Variants in FGF14 observed in about 807,000 individuals in gnomAD.
FGF14 encodes fibroblast growth factor homologous factor 4.
In FGF14, 5 loss-of-function variants were observed where a neutral mutation model predicts 25.5. The ratio of observed to expected loss-of-function variants is 0.20; its 90% confidence interval spans 0.10 to 0.41. The LOEUF (loss-of-function observed/expected upper bound fraction) is 0.41. Among genes scored for constraint, FGF14 ranks in the 10% least tolerant of loss-of-function variants. The probability of loss-of-function intolerance (pLI) is 1.00; values close to 1 mark genes in which losing one functional copy is unlikely to be tolerated. For missense variants in FGF14, 222 were observed against 320.1 expected, an observed-to-expected ratio of 0.69 and a Z score of 2.34; for synonymous variants, 138 against 118.3, an observed-to-expected ratio of 1.17 and a Z score of -1.08.
At chr13:101,912,811 G>A (rs1398972007) in intron 1 of FGF14, among the ~76,000 whole-genome samples, 1 of 151,982 alleles carries the variant, frequency 6.6e-6, no homozygotes. Context: ...AGATCACTCT[G>A]GTTCAAGGAT....
chr13:101,735,107 G>C (rs1318302147), intron 3 of FGF14, among the ~76,000 whole-genome samples: 1 of 152,124 alleles, frequency 6.6e-6, no homozygotes, highest in Admixed American at 6.5e-5. Flanking sequence ...GTGGGGAGCA[G>C]AGCCAGGTTG....
chr13:102,157,511 G>C (rs1018294014), intron 1 of FGF14, among the ~76,000 whole-genome samples: 1 of 152,150 alleles, frequency 6.6e-6, no homozygotes, highest in African/African-American at 2.4e-5. Context: ...ATTAATTCAA[G>C]ATGTATTAAA....
At chr13:101,850,966 G>T (rs149851192) in intron 3 of FGF14, among the ~76,000 whole-genome samples, 1 of 151,862 alleles carries the variant, frequency 6.6e-6, no homozygotes, top group East Asian at 1.9e-4. Flanking sequence ...AATAAGATGC[G>T]CATTATGGAT....
intron 3 of FGF14, among the ~76,000 whole-genome samples, chr13:101,804,467 A>G (rs1566922574): frequency 6.6e-6 from 1 of 152,166 alleles, no homozygotes. Flanking sequence ...CCCCCACACA[A>G]GAAGGGAGTT....
chr13:101,745,814 T>C (rs1284723916), intron 3 of FGF14, among the ~76,000 whole-genome samples: 2 of 152,078 alleles, frequency 1.3e-5, no homozygotes, highest in East Asian at 1.9e-4. Flanking sequence ...GTGGGTTTCA[T>C]GGTGAGAACC....
intron 1 of FGF14, among the ~76,000 whole-genome samples, chr13:102,204,353 C>T (rs17589356): frequency 0.012 from 1,859 of 152,152 alleles, 20 homozygotes; most frequent in Non-Finnish European, 0.019. Flanking sequence ...ATCTAAGCTA[C>T]GATTTGGGCT....
rs528924318 is a variant in FGF14, at chr13:101,891,788, C to T, written c.194-16492G>A. Among the ~76,000 whole-genome samples, 45 of 152,092 alleles carry T rather than the reference C, an allele frequency of 3.0e-4. No individual in the cohort carries two copies. In the South Asian group the frequency reaches 8.7e-3, roughly 29 times the overall value. On this transcript the variant is annotated intron_variant, in intron 1 of 4. Transcript: ENST00000376143. ...CCAATCAGAAATTTAACAATGTTCA[C>T]ACAGTTAGAAAGTTGTAAATCTAGG...
chr13:102,125,693 T>C (rs764548445), intron 1 of FGF14, among the ~76,000 whole-genome samples: 6 of 152,178 alleles, frequency 3.9e-5, no homozygotes, highest in Non-Finnish European at 5.9e-5. Context: ...TGAAAAATTA[T>C]TGACTTTTTC....
At chr13:102,167,320 A>AG (rs2048057717) in intron 1 of FGF14, among the ~76,000 whole-genome samples, 1 of 143,934 alleles carries the variant, frequency 6.9e-6, no homozygotes, top group Non-Finnish European at 1.5e-5. Flanking sequence ...CTCAAAAAAA[A>AG]AAAAAAAAAA....
intron 1 of FGF14, among the ~76,000 whole-genome samples, chr13:101,973,415 T>C (rs2037732676): frequency 6.6e-6 from 1 of 152,200 alleles, no homozygotes; most frequent in African/African-American, 2.4e-5. Flanking sequence ...CTTTCCCTTT[T>C]ACACTGGATG....
intron 3 of FGF14, among the ~76,000 whole-genome samples, chr13:101,776,663 T>C (rs549361357): frequency 9.2e-5 from 14 of 152,304 alleles, no homozygotes; most frequent in African/African-American, 3.4e-4. Context: ...GCACATCTCA[T>C]TGCTGAGATC....
At chr13:101,866,113 AC>A (rs1235499900) in intron 3 of FGF14, among the ~76,000 whole-genome samples, 1 of 152,018 alleles carries the variant, frequency 6.6e-6, no homozygotes, top group African/African-American at 2.4e-5. Flanking sequence ...ATAATATCAA[AC>A]TTTTTCTTGA....
At chr13:102,210,464 C>T (rs918559405) in intron 1 of FGF14, among the ~76,000 whole-genome samples, 2 of 152,034 alleles carry the variant, frequency 1.3e-5, no homozygotes, top group African/African-American at 4.8e-5. Flanking sequence ...TAATTTGGGA[C>T]TGTAGTATTT....
intron 1 of FGF14, among the ~76,000 whole-genome samples, chr13:101,983,808 GT>G (rs2038406344): frequency 6.6e-6 from 1 of 152,150 alleles, no homozygotes; most frequent in Non-Finnish European, 1.5e-5. Context: ...AAGGCCTTGG[GT>G]CTGGATAAAA....
intron 1 of FGF14, among the ~76,000 whole-genome samples, chr13:101,968,587 G>A (rs2037374467): frequency 6.7e-6 from 1 of 149,322 alleles, no homozygotes; most frequent in African/African-American, 2.4e-5. Context: ...GCAGGAGAAT[G>A]GCGTGAACCT....
At chr13:101,819,587 G>A (rs1188491363) in intron 3 of FGF14, among the ~76,000 whole-genome samples, 1 of 152,148 alleles carries the variant, frequency 6.6e-6, no homozygotes, top group Non-Finnish European at 1.5e-5. Flanking sequence ...TAAAATTTGA[G>A]GATGTGAAAT....
At chr13:101,782,983 C>T (rs952544194) in intron 3 of FGF14, among the ~76,000 whole-genome samples, 10 of 152,166 alleles carry the variant, frequency 6.6e-5, no homozygotes, top group Non-Finnish European at 7.3e-5. Flanking sequence ...AACTAATTTA[C>T]ACTCCCACCA....
intron 1 of FGF14, among the ~76,000 whole-genome samples, chr13:101,877,430 A>C (rs1029559795): frequency 2.0e-5 from 3 of 152,124 alleles, no homozygotes; most frequent in African/African-American, 7.2e-5. Flanking sequence ...ACTTAATAGA[A>C]GCCCACTTGG....
intron 3 of FGF14, among the ~76,000 whole-genome samples, chr13:101,828,399 T>C (rs1026635141): frequency 4.6e-5 from 7 of 152,092 alleles, no homozygotes; most frequent in Non-Finnish European, 1.0e-4. Context: ...GGTAACTGTT[T>C]CTATGACCAA....
Sources: gnomAD v4.1 joint callset for allele counts (sites outside exome capture counted in the v4.1 genomes callset) on GRCh38, gnomAD v4.1.1 for gene constraint, MANE v1.5 for transcripts, NCBI Gene and HGNC (gene_info 2026-07-23, HGNC 2026-07-21) for gene names.